Variants in APLP1 observed in about 807,000 individuals in gnomAD.
APLP1 encodes amyloid beta (A4) precursor-like protein 1.
In APLP1, 46 loss-of-function variants were observed where a neutral mutation model predicts 84.5. That is an observed-to-expected ratio of 0.54 (90% confidence interval 0.43 to 0.70). The LOEUF (loss-of-function observed/expected upper bound fraction) is 0.70. Among genes scored for constraint, APLP1 ranks in the 30% least tolerant of loss-of-function variants. The pLI, the probability that APLP1 is intolerant of heterozygous loss-of-function variation, is 0.00. For missense variants in APLP1, 826 were observed against 900.2 expected (o/e 0.92, Z 1.05); for synonymous variants, 376 against 364.0 (o/e 1.03, Z -0.38).
rs1032017064 is a variant in APLP1 at position 35,879,484 on chromosome 19, C to T, written c.*43C>T. ...CTTCAGCCGAGCCCAGACCTCCCCT[C>T]TTCCTGGAGCCCCAGAACCCCAACT... On this transcript the variant is annotated 3_prime_UTR_variant, in exon 17 of 17. Transcript: ENST00000221891. The T allele has an allele frequency of 1.3e-5, 20 of 1,571,082 alleles. No homozygotes were observed. In the African/African-American group the frequency reaches 2.3e-4, roughly 18 times the overall value.
Position 35,879,704 on chromosome 19 carries a change from A to C in APLP1, c.*263A>C, listed in dbSNP as rs1974374726. On this transcript the variant is annotated 3_prime_UTR_variant, in exon 17 of 17. Transcript: ENST00000221891. ...AGTTTATTTATGGCTCTTTAAGGTGACCGCCACCTTGGTCCTAGTGTCTAT... is the reference window on the plus strand; with the variant it reads ...AGTTTATTTATGGCTCTTTAAGGTGCCCGCCACCTTGGTCCTAGTGTCTAT... 4.1e-6 allele frequency: 2 copies of C among 482,536 alleles called. No individual in the cohort carries two copies. Among genetic ancestry groups the C allele is most frequent in the East Asian group, 3.6e-5 (1 of 27,502 alleles). The allele number at this position is 482,536 out of a possible 1,614,324, so 29.9% of individuals were successfully genotyped here.
Position 35,870,966 on chromosome 19 carries a change from G to A in APLP1, c.362G>A (p.Gly121Glu), listed in dbSNP as rs1974129157. 1 of 1,583,082 alleles carries A rather than the reference G, an allele frequency of 6.3e-7. No homozygotes were observed. Among genetic ancestry groups the A allele is most frequent in the African/African-American group, 1.3e-5 (1 of 74,556 alleles). ...TQAIPMERWCGGSRSGSCAHP... is the reference protein window; with the variant it reads ...TQAIPMERWCEGSRSGSCAHP... ...GCCATCCCCATGGAGCGCTGGTGCG[G>A]GGGTTCCCGGAGCGGCAGCTGCGCC... Residue 121 changes from glycine to glutamate, a missense_variant, in exon 3 of 17, where the codon GGG (glycine) becomes GAG (glutamate). Coordinates refer to ENST00000221891, the MANE Select transcript of APLP1 (RefSeq NM_001024807.3).
chr19:35,879,320 T>C, intron 16 of APLP1, 23 bp from the exon 17 acceptor site: 1 of 1,613,400 alleles, frequency 6.2e-7, no homozygotes, highest in East Asian at 2.2e-5. Context: ...CACACTGTCC[T>C]TTCCCTCCCC....
At position 35,874,640 on chromosome 19, in the gene APLP1, C is replaced by A. The variant is rs776953741; in HGVS notation, c.1193C>A (p.Ala398Asp). Reference protein sequence around the residue: ...RRAALEGFLAALQADPPQAER... With the variant: ...RRAALEGFLADLQADPPQAER... ...GCTGCCTTGGAGGGCTTCCTGGCAG[C>A]CCTGCAGGCAGATCCGCCTCAGGTG... The change falls in exon 9 of 17, where the codon GCC becomes GAC. Residue 398 changes from alanine to aspartate, a missense_variant. By Grantham distance (126) the Ala-to-Asp change is moderately radical. Coordinates refer to ENST00000221891, the MANE Select transcript of APLP1 (RefSeq NM_001024807.3). This position sits in a 1 kb window ranked among gnomAD's most constrained non-coding sequence, Gnocchi z 6.4. 2.5e-6 allele frequency: 4 copies of A among 1,613,482 alleles called. No individual in the cohort carries two copies. In the African/African-American group the frequency reaches 4.0e-5, roughly 16 times the overall value.
intron 7 of APLP1, 97 bp from the exon 8 acceptor site, chr19:35,873,542 C>CA: frequency 3.2e-6 from 4 of 1,263,694 alleles, no homozygotes; most frequent in Non-Finnish European, 4.6e-6. Flanking sequence ...CCACTGCGCC[C>CA]AGCCATGGGG....
At chr19:35,869,175 C>CCCT (rs1974075306) in intron 1 of APLP1, 1 of 348,226 alleles carries the variant, frequency 2.9e-6, no homozygotes, top group Non-Finnish European at 5.2e-6. Flanking sequence ...CCTCCCAGGA[C>CCCT]CCAGGAGTCC....
intron 7 of APLP1, among the ~76,000 whole-genome samples, chr19:35,872,827 G>T (rs897913962): frequency 4.0e-5 from 6 of 151,254 alleles, no homozygotes. Context: ...CTGGTCTATG[G>T]TACTCTTTCA....
Position 35,872,547 on chromosome 19 carries a change from T to A in APLP1, c.915T>A (p.Ser305Arg). The A allele has an allele frequency of 1.2e-6, 2 of 1,613,862 alleles. No individual in the cohort carries two copies. Among genetic ancestry groups the A allele is most frequent in the Middle Eastern group, 3.3e-4 (2 of 6,040 alleles). ...ACTTTGGCATGCCTGGGGAAATCAGTGAGCACGAGGGGTTCCTGAGGGCCA... is the reference window on the plus strand; with the variant it reads ...ACTTTGGCATGCCTGGGGAAATCAGAGAGCACGAGGGGTTCCTGAGGGCCA... The part of the protein sequence containing the change: ...DIYFGMPGEI[S>R]EHEGFLRAKM... Residue 305 changes from serine to arginine, a missense_variant, in exon 7 of 17, where the codon AGT (serine) becomes AGA (arginine). Physicochemically the swap from Ser to Arg is moderately radical, Grantham distance 110. Transcript: ENST00000221891.
Position 35,870,878 on chromosome 19 carries a change from C to G in APLP1, c.292-18C>G. 6.3e-7 allele frequency: 1 copy of G among 1,599,408 alleles called. No individual in the cohort carries two copies. Among genetic ancestry groups the G allele is most frequent in the Non-Finnish European group, 8.5e-7 (1 of 1,174,246 alleles). On this transcript the variant is annotated intron_variant, in intron 2 of 16. Coordinates refer to ENST00000221891, the MANE Select transcript of APLP1 (RefSeq NM_001024807.3). ...GGGGCGGGGCAGTGGGCTGATTGCC[C>G]CCATCTGATCCCCCCAGATGTACCC...
rs1974373049 is a variant in APLP1, at chr19:35,879,614, A to G, written c.*173A>G. The G allele has an allele frequency of 1.6e-6, 1 of 607,152 alleles. No individual in the cohort carries two copies. The highest frequency in any genetic ancestry group is 2.9e-6 in the Non-Finnish European group (1 of 350,342). The allele number at this position is 607,152 out of a possible 1,614,324, so 37.6% of individuals were successfully genotyped here. On this transcript the variant is annotated 3_prime_UTR_variant, in exon 17 of 17. Transcript: ENST00000221891. Reference sequence around the variant, plus strand: ...TTTCCAATTCCAAAATTCCATCCCTAAGAATTCCCAGATAGTCCCAGCAGC... The same window carrying G: ...TTTCCAATTCCAAAATTCCATCCCTGAGAATTCCCAGATAGTCCCAGCAGC...
At chr19:35,869,412 G>T (rs964309821) in intron 1 of APLP1, 2 of 647,212 alleles carry the variant, frequency 3.1e-6, no homozygotes, top group Non-Finnish European at 5.4e-6. Flanking sequence ...GCGCTGGGGT[G>T]GGGGCGGAGT....
Position 35,869,759 on chromosome 19 carries a change from C to T in APLP1, c.240C>T (p.Arg80=). 1 of 1,608,204 alleles carries T rather than the reference C, an allele frequency of 6.2e-7. No individual in the cohort carries two copies. Among genetic ancestry groups the T allele is most frequent in the Non-Finnish European group, 8.5e-7 (1 of 1,178,290 alleles). ...RTGRWEPDPQ[R]SRRCLRDPQR... is the part of the protein sequence containing the mutation. ...GCCGCTGGGAACCAGACCCACAGCGCTCTCGACGCTGTCTCCGGGACCCGC... is the reference window on the plus strand; with the variant it reads ...GCCGCTGGGAACCAGACCCACAGCGTTCTCGACGCTGTCTCCGGGACCCGC... Residue 80 remains arginine, a synonymous_variant, in exon 2 of 17, where the codon CGC becomes CGT. Transcript: ENST00000221891.
intron 4 of APLP1, 72 bp downstream of exon 4, chr19:35,871,421 C>A: frequency 1.4e-6 from 2 of 1,437,494 alleles, no homozygotes; most frequent in Non-Finnish European, 1.9e-6. Context: ...CCTCCGCCAC[C>A]AGAACCGAGG....
rs560351053 is a variant in APLP1 at position 35,871,327 on chromosome 19, G to A, written c.515G>A (p.Arg172Gln). The change falls in exon 4 of 17, where the codon CGG (arginine) becomes CAG (glutamine). Residue 172 changes from arginine (R) to glutamine (Q), a missense_variant. Arg to Gln is a conservative substitution (Grantham distance 43, BLOSUM62 1). Coordinates refer to ENST00000221891, the MANE Select transcript of APLP1 (RefSeq NM_001024807.3). ...ATGGACCAATGTGAGAGTTCAACCC[G>A]GAGGCATCAGGAGGCACAGGAGGTC... ...ERMDQCESST[R>Q]RHQEAQEACS... is the part of the protein sequence containing the mutation. The A allele has an allele frequency of 8.1e-6, 13 of 1,610,906 alleles. No homozygotes were observed. The East Asian group carries it at 8.9e-5, about 11-fold the overall frequency.
intron 10 of APLP1, among the ~76,000 whole-genome samples, chr19:35,875,950 T>G (rs1372697877): frequency 6.6e-6 from 1 of 150,508 alleles, no homozygotes; most frequent in Non-Finnish European, 1.5e-5. Context: ...CAATCTAATA[T>G]TTTTAGCAGA....
chr19:35,868,790 C>A lies in APLP1; in HGVS notation c.147+7C>A. ...GAGCCCCGGCGCGGCCGAGGTGAGG[C>A]CGGGCCGGGTCCTGGGGGATGGGGG... is the stretch of plus-strand genomic sequence containing the variant. On this transcript the variant is annotated splice_region_variant and intron_variant, in intron 1 of 16. Transcript: ENST00000221891. The surrounding 1 kb of genome is among the most constrained non-coding windows in gnomAD (Gnocchi z 5.2). 7.7e-7 allele frequency: 1 copy of A among 1,300,234 alleles called. No homozygotes were observed. The allele number at this position is 1,300,234 out of a possible 1,614,324, so 80.5% of individuals were successfully genotyped here. A position where few individuals can be genotyped will look rare whatever the true frequency, so the allele number is the denominator to read the frequency against.
intron 7 of APLP1, among the ~76,000 whole-genome samples, chr19:35,873,017 G>A (rs1382604593): frequency 1.3e-5 from 2 of 151,790 alleles, no homozygotes; most frequent in African/African-American, 2.4e-5. Flanking sequence ...CCACCACCAC[G>A]CCCGGCTAAT....
chr19:35,877,905 G>T, intron 12 of APLP1, 80 bp downstream of exon 12: 3 of 1,373,052 alleles, frequency 2.2e-6, no homozygotes, highest in South Asian at 1.3e-5. Flanking sequence ...AGAGTCTGAG[G>T]GTGTCTTCAC....
At chr19:35,873,986 C>T (rs1974220324) in intron 8 of APLP1, among the ~76,000 whole-genome samples, 1 of 152,234 alleles carries the variant, frequency 6.6e-6, no homozygotes. Context: ...AAGCCAGGGC[C>T]TCTGCAGATG....
Sources: allele counts gnomAD v4.1 joint callset (sites outside exome capture counted in the v4.1 genomes callset), GRCh38; gene constraint gnomAD v4.1.1; non-coding constraint Gnocchi (gnomAD v3.1); transcripts MANE v1.5; gene names NCBI Gene and HGNC (gene_info 2026-07-23, HGNC 2026-07-21).